Variants in GPC5 observed in about 807,000 individuals in gnomAD.
GPC5 encodes the protein glypican-5.
In GPC5, 47 loss-of-function variants were observed where a neutral mutation model predicts 53.9. That is an observed-to-expected ratio of 0.87 (90% confidence interval 0.69 to 1.11). GPC5 has a LOEUF of 1.11. GPC5 is among the 50% of genes most tolerant of loss of function. The probability of loss-of-function intolerance (pLI) is 0.00; values close to 1 mark genes in which losing one functional copy is unlikely to be tolerated. For synonymous variants in GPC5, 286 were observed against 263.3 expected (o/e 1.09, Z -0.84); for missense variants, 748 against 713.1 (o/e 1.05, Z -0.56).
At chr13:92,850,319 G>T (rs911341822) in intron 7 of GPC5, among the ~76,000 whole-genome samples, 1 of 152,132 alleles carries the variant, frequency 6.6e-6, no homozygotes. Context: ...AGAGGGATAG[G>T]CTGGGCACAG....
intron 6 of GPC5, among the ~76,000 whole-genome samples, chr13:91,930,392 T>A (rs2039810269): frequency 6.6e-6 from 1 of 152,068 alleles, no homozygotes; most frequent in African/African-American, 2.4e-5. Context: ...ATTATAGTGC[T>A]TGATATTTCA....
intron 3 of GPC5, among the ~76,000 whole-genome samples, chr13:91,726,808 C>T (rs2036584792): frequency 1.3e-5 from 2 of 152,186 alleles, no homozygotes; most frequent in South Asian, 4.1e-4. Context: ...CTCCCTTTTT[C>T]CTCCATCTGC....
chr13:91,543,358 A>G (rs1458855081), intron 2 of GPC5, among the ~76,000 whole-genome samples: 1 of 152,168 alleles, frequency 6.6e-6, no homozygotes, highest in East Asian at 1.9e-4. Context: ...GTACTTTCAC[A>G]TCTTTAAAAA....
chr13:92,147,496 CTT>C (rs1419713209), intron 7 of GPC5, among the ~76,000 whole-genome samples: 1 of 151,938 alleles, frequency 6.6e-6, no homozygotes, highest in African/African-American at 2.4e-5. Flanking sequence ...GTACGTCACT[CTT>C]TTTTGTTTGT....
chr13:92,031,175 T>A, intron 6 of GPC5, among the ~76,000 whole-genome samples: 1 of 152,104 alleles, frequency 6.6e-6, no homozygotes, highest in East Asian at 1.9e-4. Flanking sequence ...ACTCAGCCAT[T>A]GCGCGATGTA....
chr13:92,625,494 G>C (rs1405243524), intron 7 of GPC5, among the ~76,000 whole-genome samples: 2 of 152,176 alleles, frequency 1.3e-5, no homozygotes, highest in Admixed American at 1.3e-4. Flanking sequence ...ACTCAAGAAA[G>C]ATGATACAGG....
intron 7 of GPC5, among the ~76,000 whole-genome samples, chr13:92,805,701 G>C (rs745466620): frequency 6.6e-6 from 1 of 151,960 alleles, no homozygotes; most frequent in Admixed American, 6.6e-5. Context: ...GTCTCCCAAA[G>C]TGCTGGGAAT....
At chr13:91,869,350 C>T (rs913570944) in intron 5 of GPC5, among the ~76,000 whole-genome samples, 3 of 152,004 alleles carry the variant, frequency 2.0e-5, no homozygotes, top group Admixed American at 2.0e-4. Context: ...TGAACCACCT[C>T]GCCAGCAATG....
intron 7 of GPC5, among the ~76,000 whole-genome samples, chr13:92,760,618 G>A (rs1182931128): frequency 2.0e-5 from 3 of 149,698 alleles, no homozygotes; most frequent in African/African-American, 7.4e-5. Context: ...CTGTTCTATT[G>A]ATTTTTTTCC....
chr13:92,057,666 A>T (rs1226134714), intron 6 of GPC5, among the ~76,000 whole-genome samples: 1 of 152,136 alleles, frequency 6.6e-6, no homozygotes, highest in African/African-American at 2.4e-5. Context: ...CATGTATCTC[A>T]TCATAGCCTG....
intron 5 of GPC5, among the ~76,000 whole-genome samples, chr13:91,834,614 T>C (rs778148646): frequency 5.3e-5 from 8 of 152,118 alleles, no homozygotes; most frequent in Non-Finnish European, 1.2e-4. Context: ...CATCTGATCT[T>C]TGACAAAACT....
At chr13:91,820,317 A>C (rs565790021) in intron 5 of GPC5, among the ~76,000 whole-genome samples, 1 of 152,260 alleles carries the variant, frequency 6.6e-6, no homozygotes, top group African/African-American at 2.4e-5. Context: ...CTAGGAAATA[A>C]AAATATGTTG....
chr13:91,998,010 T>C (rs2040519451), intron 6 of GPC5, among the ~76,000 whole-genome samples: 1 of 152,250 alleles, frequency 6.6e-6, no homozygotes, highest in South Asian at 2.1e-4. Context: ...CACATTTATT[T>C]TTATAGTAGT....
intron 2 of GPC5, among the ~76,000 whole-genome samples, chr13:91,606,741 G>A (rs1257673094): frequency 2.4e-4 from 37 of 151,810 alleles, no homozygotes; most frequent in South Asian, 1.3e-3. Flanking sequence ...GTTTATTTGC[G>A]TAGAGGTGTT....
chr13:91,625,082 G>T (rs1291672717), intron 2 of GPC5, among the ~76,000 whole-genome samples: 1 of 151,366 alleles, frequency 6.6e-6, no homozygotes, highest in African/African-American at 2.4e-5. Flanking sequence ...GTGTATTCAA[G>T]AAAATCAATA....
At chr13:91,586,014 C>T (rs2032552227) in intron 2 of GPC5, among the ~76,000 whole-genome samples, 1 of 104,056 alleles carries the variant, frequency 9.6e-6, no homozygotes, top group Admixed American at 1.5e-4. Flanking sequence ...CCACCCCCCA[C>T]CCCACTGGTA....
chr13:91,699,462 A>C (rs1435828679), intron 3 of GPC5, among the ~76,000 whole-genome samples: 2 of 152,228 alleles, frequency 1.3e-5, no homozygotes, highest in Non-Finnish European at 2.9e-5. Context: ...TACATTCTAC[A>C]GTAACTGTTA....
chr13:92,859,333 G>A (rs1034008928), intron 7 of GPC5, among the ~76,000 whole-genome samples: 4 of 151,970 alleles, frequency 2.6e-5, no homozygotes, highest in Non-Finnish European at 5.9e-5. Flanking sequence ...TTAATCTAAT[G>A]TTTTGTTCTG....
intron 5 of GPC5, among the ~76,000 whole-genome samples, chr13:91,826,518 T>G (rs2038578862): frequency 6.6e-6 from 1 of 152,094 alleles, no homozygotes; most frequent in Non-Finnish European, 1.5e-5. Flanking sequence ...CTCAAGAGGC[T>G]GTTTTATATT....
Sources: allele counts gnomAD v4.1 joint callset (sites outside exome capture counted in the v4.1 genomes callset), GRCh38; gene constraint gnomAD v4.1.1; transcripts MANE v1.5; gene names NCBI Gene and HGNC (gene_info 2026-07-23, HGNC 2026-07-21).